The following COL23A1 variants were observed in gnomAD, a reference collection of about 807,000 sequenced individuals.
COL23A1 encodes collagen type XXIII alpha 1 chain, also known as collagen alpha-1(XXIII) chain.
COL23A1 carries 97 observed loss-of-function variants against 99.3 expected under a neutral mutation model. The ratio of observed to expected loss-of-function variants is 0.98; its 90% confidence interval spans 0.83 to 1.16. The LOEUF is 1.16. Among genes scored for constraint, COL23A1 ranks in the 50% most tolerant of loss-of-function variants. The pLI, the probability that COL23A1 is intolerant of heterozygous loss-of-function variation, is 0.00. For missense variants in COL23A1, 762 were observed against 757.4 expected (o/e 1.01, Z -0.07); for synonymous variants, 320 against 308.2 (o/e 1.04, Z -0.40).
intron 2 of COL23A1, among the ~76,000 whole-genome samples, chr5:178,401,155 C>A (rs978835007): frequency 2.6e-5 from 4 of 152,206 alleles, no homozygotes; most frequent in Admixed American, 2.6e-4. Context: ...CCTCAAGATT[C>A]GTCCACTTTG....
At chr5:178,266,789 C>A (rs1755928716) in intron 8 of COL23A1, among the ~76,000 whole-genome samples, 1 of 152,258 alleles carries the variant, frequency 6.6e-6, no homozygotes, top group Non-Finnish European at 1.5e-5. Flanking sequence ...GCTCTGACCA[C>A]AAGCTGCAGC....
intron 3 of COL23A1, among the ~76,000 whole-genome samples, chr5:178,297,469 T>C (rs1757808155): frequency 6.6e-6 from 1 of 152,074 alleles, no homozygotes; most frequent in African/African-American, 2.4e-5. Context: ...AGTGAGCCAA[T>C]ATCAGGCCAC....
At chr5:178,388,424 G>A (rs1280869448) in intron 2 of COL23A1, among the ~76,000 whole-genome samples, 1 of 152,220 alleles carries the variant, frequency 6.6e-6, no homozygotes, top group African/African-American at 2.4e-5. Context: ...CAGCTCAGGA[G>A]GTGGCTTACA....
intron 2 of COL23A1, among the ~76,000 whole-genome samples, chr5:178,326,015 C>A (rs1223742037): frequency 1.3e-5 from 2 of 152,204 alleles, no homozygotes; most frequent in Admixed American, 1.3e-4. Flanking sequence ...CCCTAGTAAA[C>A]GGCTCTTAAC....
rs942870873 is a variant in COL23A1, at chr5:178,415,789, G to A, written c.362-108870C>T. 6.6e-6 allele frequency among the ~76,000 whole-genome samples: 1 copy of A among 152,148 alleles called. No homozygotes were observed. The highest frequency in any genetic ancestry group is 2.4e-5 in the African/African-American group (1 of 41,440). ...AGAGCTCCCAGCCTAGCGGGAGGTAGACAGGCAAACAAGAAAGACTGAAAA... is the reference window on the plus strand; with the variant it reads ...AGAGCTCCCAGCCTAGCGGGAGGTAAACAGGCAAACAAGAAAGACTGAAAA... On this transcript the variant is annotated intron_variant, in intron 2 of 28. Transcript: ENST00000390654. The surrounding 1 kb of genome is among the most constrained non-coding windows in gnomAD (Gnocchi z 4.6).
Position 178,246,426 on chromosome 5 carries a change from C to T in COL23A1, c.1324G>A (p.Gly442Ser). ...KGLDGAKGEKGASGERGPSGL... is the reference protein window; with the variant it reads ...KGLDGAKGEKSASGERGPSGL... ...CTGGGGCCTCTCTCACCCGACGCACCCTTCTCTCCCTTTGCTCCATCCAAG... is the reference window on the plus strand; with the variant it reads ...CTGGGGCCTCTCTCACCCGACGCACTCTTCTCTCCCTTTGCTCCATCCAAG... The change falls in exon 23 of 29, where the codon GGT becomes AGT. Residue 442 changes from glycine (G) to serine (S), a missense_variant. Transcript: ENST00000390654. The T allele has an allele frequency of 6.3e-7, 1 of 1,576,354 alleles. No homozygotes were observed. The highest frequency in any genetic ancestry group is 8.6e-7 in the Non-Finnish European group (1 of 1,160,126).
At chr5:178,338,327 C>T (rs1031963295) in intron 2 of COL23A1, among the ~76,000 whole-genome samples, 1 of 152,106 alleles carries the variant, frequency 6.6e-6, no homozygotes. Context: ...CCAGAGGGCA[C>T]AGTGAGATAG....
chr5:178,541,338 A>T (rs1051066046), intron 2 of COL23A1, among the ~76,000 whole-genome samples: 15 of 152,238 alleles, frequency 9.9e-5, no homozygotes, highest in African/African-American at 3.4e-4. Context: ...CTGTAATCCC[A>T]GCACTTTGGG....
At chr5:178,252,411 G>A (rs1036804159) in intron 17 of COL23A1, 133 bp downstream of exon 17, 16 of 736,224 alleles carry the variant, frequency 2.2e-5, no homozygotes, top group African/African-American at 1.6e-4. Context: ...GCCCAGGCCC[G>A]TTCTCTGAGC....
chr5:178,422,642 C>A (rs533096062), intron 2 of COL23A1, among the ~76,000 whole-genome samples: 2 of 152,168 alleles, frequency 1.3e-5, no homozygotes, highest in Non-Finnish European at 1.5e-5. Context: ...CACCCACCCC[C>A]ACGTGGTCGC....
rs1175187230 is a variant in COL23A1, at chr5:178,562,222, C to T, written c.295-1474G>A. 8 of 304,482 alleles carry T rather than the reference C, an allele frequency of 2.6e-5. No individual in the cohort carries two copies. In the East Asian group the frequency reaches 7.2e-4, roughly 28 times the overall value. 18.9% of individuals were successfully genotyped at this position (304,482 alleles called of 1,614,324 possible). A position where few individuals can be genotyped will look rare whatever the true frequency, so the allele number is the denominator to read the frequency against. On this transcript the variant is annotated intron_variant, in intron 1 of 28. Coordinates refer to ENST00000390654, the MANE Select transcript of COL23A1 (RefSeq NM_173465.4). ...GCGACACCGCACTCCAGCCTGGATG[C>T]CAGAGCGAGACTCCATCTCAAAAAA... is the stretch of plus-strand genomic sequence containing the variant.
intron 1 of COL23A1, among the ~76,000 whole-genome samples, chr5:178,571,052 A>T (rs1188837057): frequency 6.6e-6 from 1 of 151,900 alleles, no homozygotes; most frequent in Admixed American, 6.6e-5. Context: ...TAAACCTCAT[A>T]ATCCACCATG....
chr5:178,324,762 G>A (rs890812), intron 2 of COL23A1, among the ~76,000 whole-genome samples: 51,366 of 152,052 alleles, frequency 0.34, 9,373 homozygotes, highest in African/African-American at 0.46. Context: ...GAAATGGGTC[G>A]AATGGCCAGA....
chr5:178,347,958 G>C (rs995727421), intron 2 of COL23A1, among the ~76,000 whole-genome samples: 7 of 151,788 alleles, frequency 4.6e-5, no homozygotes, highest in Middle Eastern at 3.4e-3. Flanking sequence ...ACGGACTAGT[G>C]ACTACCATAT....
chr5:178,249,751 C>T (rs1168209713), intron 18 of COL23A1, among the ~76,000 whole-genome samples: 2 of 135,382 alleles, frequency 1.5e-5, no homozygotes, highest in East Asian at 2.2e-4. Flanking sequence ...CTCTCTCTCT[C>T]GAATTGGGGC....
At chr5:178,506,388 G>A (rs1489729403) in intron 2 of COL23A1, among the ~76,000 whole-genome samples, 1 of 152,190 alleles carries the variant, frequency 6.6e-6, no homozygotes, top group Non-Finnish European at 1.5e-5. Flanking sequence ...CAGAAACCAG[G>A]GGACCCCAGG....
chr5:178,523,225 G>GAGAGAC (rs1760098729), intron 2 of COL23A1, among the ~76,000 whole-genome samples: 7 of 108,092 alleles, frequency 6.5e-5, no homozygotes, highest in South Asian at 3.0e-4. Context: ...GAGAGAGAGA[G>GAGAGAC]ACAGAGGGAG....
At chr5:178,253,741 A>G (rs1765159473) in intron 16 of COL23A1, among the ~76,000 whole-genome samples, 2 of 151,724 alleles carry the variant, frequency 1.3e-5, no homozygotes, top group African/African-American at 4.8e-5. Context: ...TCGGGCTCCC[A>G]AAGTGCTGGG....
chr5:178,242,949 C>A (rs1236254829), intron 25 of COL23A1, among the ~76,000 whole-genome samples: 1 of 152,098 alleles, frequency 6.6e-6, no homozygotes, highest in Non-Finnish European at 1.5e-5. Flanking sequence ...GTAATCCCAG[C>A]ACTTTGGGAG....
Sources: allele counts gnomAD v4.1 joint callset (sites outside exome capture counted in the v4.1 genomes callset), GRCh38; gene constraint gnomAD v4.1.1; non-coding constraint Gnocchi (gnomAD v3.1); transcripts MANE v1.5; gene names NCBI Gene and HGNC (gene_info 2026-07-23, HGNC 2026-07-21).